PRMT9: variants seen among roughly 807,000 people sequenced by gnomAD.
PRMT9 encodes protein arginine N-methyltransferase 9.
Under a neutral mutation model 83.2 loss-of-function variants are expected in PRMT9, and 59 were observed. The ratio of observed to expected loss-of-function variants is 0.71; its 90% CI spans 0.57 to 0.88. The LOEUF (loss-of-function observed/expected upper bound fraction) is 0.88. Ranked by LOEUF, PRMT9 falls within the 40% of genes least tolerant of loss-of-function variation. PRMT9 has a pLI of 0.00. For synonymous variants in PRMT9, 333 were observed against 353.2 expected, an observed-to-expected ratio of 0.94 and a Z score of 0.64; for missense variants, 947 against 1,021.9, an observed-to-expected ratio of 0.93 and a Z score of 1.00.
At chr4:147,643,760 C>A (rs1733561788) in intron 9 of PRMT9, among the ~76,000 whole-genome samples, 1 of 152,126 alleles carries the variant, frequency 6.6e-6, no homozygotes, top group South Asian at 2.1e-4. Flanking sequence ...TTTGGGAGGC[C>A]AAGGTGAGAG....
In PRMT9 at chr4:147,668,657, A is replaced by G; in HGVS notation, c.847-12T>C. The G allele has an allele frequency of 7.0e-7, 1 of 1,435,250 alleles. No homozygotes were observed. The highest frequency in any genetic ancestry group is 9.8e-7 in the Non-Finnish European group (1 of 1,017,968). 88.9% of individuals were successfully genotyped at this position (1,435,250 alleles called of 1,614,324 possible). ...CTTTCACCTTTGGTCTAAAAAAAAT[A>G]ACAATAAGAATTATGTTATCACATG... On this transcript the variant is annotated splice_polypyrimidine_tract_variant and intron_variant, in intron 5 of 11. Transcript: ENST00000322396.
At position 147,638,369 on chromosome 4, in the gene PRMT9, T is replaced by C; in HGVS notation, c.*163A>G. On this transcript the variant is annotated 3_prime_UTR_variant, in exon 12 of 12. Transcript: ENST00000322396. ...ATCTGCAGCAGTATTTCTATAATAA[T>C]GCTACCCTTTTATTTAGAATCTTTT... 1 of 632,344 alleles carries C rather than the reference T, an allele frequency of 1.6e-6. No homozygotes were observed. Among genetic ancestry groups the C allele is most frequent in the Admixed American group, 2.7e-5 (1 of 37,432 alleles). The allele number at this position is 632,344 out of a possible 1,614,324, so 39.2% of individuals were successfully genotyped here.
rs765959937 is a variant in PRMT9 at position 147,638,945 on chromosome 4, G to A, written c.2322+15C>T. ...AAACAATAACAAACGAAATCATTTT[G>A]CATGTTGTCCTTACCTTTACTTCTC... On this transcript the variant is annotated intron_variant, in intron 11 of 11. Transcript: ENST00000322396. 2 of 1,606,930 alleles carry A rather than the reference G, an allele frequency of 1.2e-6. No individual in the cohort carries two copies. Among genetic ancestry groups the A allele is most frequent in the African/African-American group, 2.7e-5 (2 of 74,722 alleles).
At chr4:147,661,173 T>G in intron 6 of PRMT9, 135 bp from the exon 7 acceptor site, 1 of 665,872 alleles carries the variant, frequency 1.5e-6, no homozygotes, top group South Asian at 1.7e-5. Flanking sequence ...TAAACATAAC[T>G]ACATAATACA....
chr4:147,640,259 G>A (rs1733308782), intron 10 of PRMT9, among the ~76,000 whole-genome samples: 1 of 151,522 alleles, frequency 6.6e-6, no homozygotes, highest in East Asian at 1.9e-4. Flanking sequence ...TTTTTGTAGA[G>A]ATGGGTTTTT....
intron 7 of PRMT9, 25 bp from the exon 8 acceptor site, chr4:147,658,000 A>G (rs1230703310): frequency 6.7e-7 from 1 of 1,485,674 alleles, no homozygotes. Context: ...GAAGGAATGA[A>G]ACGGTTTTAT....
Position 147,670,662 on chromosome 4 carries a change from C to T in PRMT9, c.825G>A (p.Glu275=). 4 of 1,611,734 alleles carry T rather than the reference C, an allele frequency of 2.5e-6. No homozygotes were observed. Among genetic ancestry groups the T allele is most frequent in the Non-Finnish European group, 3.4e-6 (4 of 1,177,970 alleles). Residue 275 remains glutamate (E), a synonymous_variant, in exon 5 of 12, where the codon GAG becomes GAA. Transcript: ENST00000322396. ...GIVESLIHAW[E]HLLLQPKTKG... The stretch of plus-strand genomic sequence containing the variant: ...TTACCTTTGGCTGTAAAAGTAAATG[C>T]TCCCATGCATGAATCAAACTCTCCA...
rs114762309 is a variant in PRMT9, at chr4:147,638,579, T to C, written c.2491A>G (p.Ser831Gly). 264 of 1,613,894 alleles carry C rather than the reference T, an allele frequency of 1.6e-4. No individual in the cohort carries two copies. The highest frequency in any genetic ancestry group is 2.1e-4 in the Non-Finnish European group (252 of 1,179,872). ...QVEMGEELVL[S>G]IQHHKSNVSI... ...ACATTGCTTTTGTGATGCTGAATGC[T>C]GAGTACAAGTTCCTCTCCCATTTCA... Residue 831 changes from serine to glycine, a missense_variant, in exon 12 of 12, where the codon AGC (serine) becomes GGC (glycine). Transcript: ENST00000322396.
chr4:147,673,710 G>C lies in PRMT9; in HGVS notation c.503C>G (p.Ala168Gly), dbSNP rs764068485. The C allele has an allele frequency of 3.7e-6, 6 of 1,613,866 alleles. No homozygotes were observed. The Admixed American group carries it at 5.0e-5, about 13-fold the overall frequency. ...NDTKRNTIYNAAIQKAVCLGS... is the reference protein window; with the variant it reads ...NDTKRNTIYNGAIQKAVCLGS... ...CAAACAAACTGCCTTTTGGATTGCT[G>C]CATTATAAATTGTATTCCTCTTGGT... The change falls in exon 3 of 12, where the codon GCA becomes GGA. Residue 168 changes from alanine to glycine, a missense_variant. Transcript: ENST00000322396.
intron 1 of PRMT9, among the ~76,000 whole-genome samples, chr4:147,681,829 G>C (rs1291213609): frequency 6.6e-6 from 1 of 151,746 alleles, no homozygotes; most frequent in African/African-American, 2.4e-5. Context: ...TGGATCAGAG[G>C]GTCTACAGAT....
intron 10 of PRMT9, among the ~76,000 whole-genome samples, chr4:147,639,773 A>C (rs920226228): frequency 6.6e-6 from 1 of 152,150 alleles, no homozygotes; most frequent in Non-Finnish European, 1.5e-5. Flanking sequence ...GTCATTTAAA[A>C]ACCACTTTTC....
intron 10 of PRMT9, 90 bp from the exon 11 acceptor site, chr4:147,639,172 G>C: frequency 1.5e-6 from 2 of 1,371,200 alleles, no homozygotes; most frequent in Non-Finnish European, 2.1e-6. Context: ...TTTGTGGTCA[G>C]GGATTGCTTT....
chr4:147,661,093 G>A, intron 6 of PRMT9, 55 bp from the exon 7 acceptor site: 4 of 1,113,190 alleles, frequency 3.6e-6, no homozygotes, highest in Non-Finnish European at 5.5e-6. Context: ...TTAGAATCAA[G>A]TAACATATCT....
At chr4:147,642,301 C>T (rs1733455434) in intron 10 of PRMT9, among the ~76,000 whole-genome samples, 1 of 151,922 alleles carries the variant, frequency 6.6e-6, no homozygotes, top group Non-Finnish European at 1.5e-5. Flanking sequence ...TGCAGTGGCA[C>T]GATCTCGGCT....
chr4:147,651,210 T>C (rs941479319), intron 9 of PRMT9, among the ~76,000 whole-genome samples: 4 of 152,138 alleles, frequency 2.6e-5, no homozygotes, highest in African/African-American at 7.2e-5. Context: ...TATTTTTATA[T>C]ACACCATATA....
At chr4:147,668,752 G>GT in intron 5 of PRMT9, 107 bp from the exon 6 acceptor site, 1 of 753,744 alleles carries the variant, frequency 1.3e-6, no homozygotes, top group South Asian at 1.6e-5. Context: ...AAGACAATAA[G>GT]TAAGGATAAA....
chr4:147,651,272 T>C lies in PRMT9; in HGVS notation c.2045+2580A>G, dbSNP rs766575406. Among the ~76,000 whole-genome samples, 13 of 152,142 alleles carry C rather than the reference T, an allele frequency of 8.5e-5. No homozygotes were observed. The South Asian group carries it at 1.7e-3, about 19-fold the overall frequency. On this transcript the variant is annotated intron_variant, in intron 9 of 11. Coordinates refer to ENST00000322396, the MANE Select transcript of PRMT9 (RefSeq NM_138364.4). ...CAACTGAATATAAGACCTTAAACTA[T>C]AGAACTTCTGAAAGACAATACAGGA... is the stretch of plus-strand genomic sequence containing the variant.
intron 8 of PRMT9, among the ~76,000 whole-genome samples, chr4:147,655,396 C>G (rs1456733906): frequency 6.6e-6 from 1 of 152,098 alleles, no homozygotes; most frequent in African/African-American, 2.4e-5. Flanking sequence ...CTCCTGGGCT[C>G]AAGTGTTCCT....
At chr4:147,642,731 A>G (rs1326532820) in intron 10 of PRMT9, 56 bp downstream of exon 10, 3 of 1,424,352 alleles carry the variant, frequency 2.1e-6, no homozygotes, top group Non-Finnish European at 3.0e-6. Flanking sequence ...CTAAAGAGAG[A>G]GCGATGGTAG....
Sources: gnomAD v4.1 joint callset for allele counts (sites outside exome capture counted in the v4.1 genomes callset) on GRCh38, gnomAD v4.1.1 for gene constraint, MANE v1.5 for transcripts, NCBI Gene and HGNC (gene_info 2026-07-23, HGNC 2026-07-21) for gene names.